ADAMTS3: variants seen among roughly 807,000 people sequenced by gnomAD.
ADAMTS3 encodes the protein A disintegrin and metalloproteinase with thrombospondin motifs 3.
Under a neutral mutation model 129.0 loss-of-function variants are expected in ADAMTS3, and 73 were observed. The ratio of observed to expected loss-of-function variants is 0.57; its 90% CI spans 0.47 to 0.69. The LOEUF is 0.69. Among genes scored for constraint, ADAMTS3 ranks in the 30% least tolerant of loss-of-function variants. The probability of loss-of-function intolerance (pLI) is 0.00; values close to 1 mark genes in which losing one functional copy is unlikely to be tolerated. For synonymous variants in ADAMTS3, 477 were observed against 510.8 expected, an observed-to-expected ratio of 0.93 and a Z score of 0.89; for missense variants, 1,457 against 1,514.5, an observed-to-expected ratio of 0.96 and a Z score of 0.63.
In ADAMTS3 at chr4:72,548,711, A is replaced by T; in HGVS notation, c.271T>A (p.Phe91Ile). ...GTGTTGGGCTTTAGTCGCAGATGAA[A>T]ATCTTTTCCAAATGCCGTGATGTTA... is the stretch of plus-strand genomic sequence containing the variant. ...FFNITAFGKD[F>I]HLRLKPNTQL... Residue 91 changes from phenylalanine (F) to isoleucine (I), a missense_variant, in exon 3 of 22, where the codon TTT (phenylalanine) becomes ATT (isoleucine). By Grantham distance (21) the Phe-to-Ile change is conservative. Transcript: ENST00000286657. 1 of 1,613,980 alleles carries T rather than the reference A, an allele frequency of 6.2e-7. No individual in the cohort carries two copies. Among genetic ancestry groups the T allele is most frequent in the Non-Finnish European group, 8.5e-7 (1 of 1,179,918 alleles).
Position 72,540,842 on chromosome 4 carries a change from G to A in ADAMTS3, c.504+7636C>T, listed in dbSNP as rs556751364. On this transcript the variant is annotated intron_variant, in intron 3 of 21. Coordinates refer to ENST00000286657, the MANE Select transcript of ADAMTS3 (RefSeq NM_014243.3). ...GAGAACCTCCAAATAGATTTCAGAG[G>A]ATGTATGGAAATGCCTGGATGTCCA... 7.2e-5 allele frequency among the ~76,000 whole-genome samples: 11 copies of A among 152,314 alleles called. No individual in the cohort carries two copies. In the South Asian group the frequency reaches 2.3e-3, roughly 32 times the overall value.
intron 17 of ADAMTS3, among the ~76,000 whole-genome samples, chr4:72,301,830 GT>G (rs1718957405): frequency 6.6e-6 from 1 of 152,002 alleles, no homozygotes; most frequent in African/African-American, 2.4e-5. Context: ...CTAGATTAGA[GT>G]TTGGAACTTT....
In ADAMTS3 at chr4:72,368,532, T is replaced by C. The variant is rs149905707; in HGVS notation, c.662-28839A>G. On this transcript the variant is annotated intron_variant, in intron 4 of 21. Transcript: ENST00000286657. The stretch of plus-strand genomic sequence containing the variant: ...CCATAGTCTCAACATGGCTTCCCAA[T>C]TCTTCTAATGTTGGGATGATCTGAA... Among the ~76,000 whole-genome samples the C allele has an allele frequency of 8.0e-4, 122 of 152,316 alleles. 2 individuals carry two copies. The highest frequency in any genetic ancestry group is 3.5e-3 in the East Asian group (18 of 5,192).
intron 4 of ADAMTS3, among the ~76,000 whole-genome samples, chr4:72,370,276 G>C (rs1247621898): frequency 6.6e-6 from 1 of 152,126 alleles, no homozygotes; most frequent in Non-Finnish European, 1.5e-5. Context: ...TTGCTTCCCA[G>C]CCTGGTGGTG....
chr4:72,414,486 A>G (rs1722256445), intron 4 of ADAMTS3, among the ~76,000 whole-genome samples: 1 of 152,000 alleles, frequency 6.6e-6, no homozygotes, highest in Non-Finnish European at 1.5e-5. Context: ...TAACAGTGAT[A>G]ATTCATAATT....
At chr4:72,468,098 A>G (rs1385329693) in intron 3 of ADAMTS3, among the ~76,000 whole-genome samples, 5 of 152,136 alleles carry the variant, frequency 3.3e-5, no homozygotes, top group Non-Finnish European at 5.9e-5. Context: ...CAGTCTGAAA[A>G]AAAAATTTCT....
chr4:72,365,145 A>G (rs1447312567), intron 4 of ADAMTS3, among the ~76,000 whole-genome samples: 3 of 152,212 alleles, frequency 2.0e-5, no homozygotes, highest in Admixed American at 1.3e-4. Flanking sequence ...ACTATCTTCT[A>G]CCATATCTGA....
intron 3 of ADAMTS3, among the ~76,000 whole-genome samples, chr4:72,511,473 T>A (rs1720314401): frequency 6.6e-6 from 1 of 152,162 alleles, no homozygotes; most frequent in African/African-American, 2.4e-5. Context: ...TAGACATTTC[T>A]CAAAAGAAGA....
intron 4 of ADAMTS3, among the ~76,000 whole-genome samples, chr4:72,372,913 C>T (rs1293904863): frequency 6.6e-6 from 1 of 151,910 alleles, no homozygotes; most frequent in African/African-American, 2.4e-5. Flanking sequence ...TTTCAGTAGC[C>T]AAATATAATT....
chr4:72,489,693 C>T (rs1719690120), intron 3 of ADAMTS3, among the ~76,000 whole-genome samples: 1 of 151,926 alleles, frequency 6.6e-6, no homozygotes, highest in African/African-American at 2.4e-5. Flanking sequence ...CACATCCTCA[C>T]ATGCATATTT....
intron 3 of ADAMTS3, among the ~76,000 whole-genome samples, chr4:72,454,671 C>A (rs1291099360): frequency 2.6e-5 from 4 of 151,554 alleles, no homozygotes; most frequent in Non-Finnish European, 1.5e-5. Context: ...TTGTAAAATA[C>A]AATAGGTTGA....
rs200641990 is a variant in ADAMTS3 at position 72,568,817 on chromosome 4, CCA to C, written c.-57_-56del. On this transcript the variant is annotated 5_prime_UTR_variant, in exon 1 of 22. Transcript: ENST00000286657. The stretch of plus-strand genomic sequence containing the variant: ...GGCAAAGCAAATGCCCAGAGCAAAC[CCA>C]CCCCCCCCGCCCAAAATAAGTTTCT... The C allele has an allele frequency of 0.047, 48,790 of 1,031,194 alleles. 127 individuals carry two copies. The highest frequency in any genetic ancestry group is 0.15 in the East Asian group (3,968 of 26,886). The allele number at this position is 1,031,194 out of a possible 1,614,324, so 63.9% of individuals were successfully genotyped here. A position where few individuals can be genotyped will look rare whatever the true frequency, so the allele number is the denominator to read the frequency against.
chr4:72,558,793 C>T (rs1518472), intron 2 of ADAMTS3, among the ~76,000 whole-genome samples: 146,187 of 151,736 alleles, frequency 0.96, 70,820 homozygotes, highest in East Asian at 1. Context: ...ACACTCCTTA[C>T]AAATCAGAGG....
intron 3 of ADAMTS3, among the ~76,000 whole-genome samples, chr4:72,490,543 G>T (rs994916367): frequency 6.6e-6 from 1 of 151,838 alleles, no homozygotes; most frequent in Non-Finnish European, 1.5e-5. Flanking sequence ...GTAAGATAAG[G>T]ATCATATTTC....
intron 3 of ADAMTS3, among the ~76,000 whole-genome samples, chr4:72,548,263 T>C (rs1196778420): frequency 1.3e-5 from 2 of 152,082 alleles, no homozygotes; most frequent in Non-Finnish European, 2.9e-5. Flanking sequence ...CTTGGAATAA[T>C]GTCGTCTTCG....
chr4:72,430,199 T>A (rs1722664310), intron 3 of ADAMTS3, among the ~76,000 whole-genome samples: 1 of 152,082 alleles, frequency 6.6e-6, no homozygotes, highest in African/African-American at 2.4e-5. Flanking sequence ...GAGTTTAATT[T>A]CCTTGCCCTT....
chr4:72,358,106 T>C (rs1348850784), intron 4 of ADAMTS3, among the ~76,000 whole-genome samples: 1 of 151,952 alleles, frequency 6.6e-6, no homozygotes, highest in Non-Finnish European at 1.5e-5. Flanking sequence ...CTGGCTAATG[T>C]AAGCCTCACT....
intron 3 of ADAMTS3, among the ~76,000 whole-genome samples, chr4:72,513,965 G>A (rs1451402421): frequency 1.3e-5 from 2 of 152,112 alleles, no homozygotes; most frequent in Non-Finnish European, 1.5e-5. Context: ...TTATTTCACT[G>A]AGGATAAATA....
rs575916030 is a variant in ADAMTS3 at position 72,386,000 on chromosome 4, G to A, written c.661+28815C>T. Among the ~76,000 whole-genome samples the A allele has an allele frequency of 9.2e-5, 14 of 151,482 alleles. No individual in the cohort carries two copies. In the East Asian group the frequency reaches 1.7e-3, roughly 19 times the overall value. ...TGATTTCCATGTATTTTTTTTAGGC[G>A]TGTTAAGAAATCTATAACCTAAAGT... On this transcript the variant is annotated intron_variant, in intron 4 of 21. Transcript: ENST00000286657.
Sources: allele counts gnomAD v4.1 joint callset (sites outside exome capture counted in the v4.1 genomes callset), GRCh38; gene constraint gnomAD v4.1.1; transcripts MANE v1.5; gene names NCBI Gene and HGNC (gene_info 2026-07-23, HGNC 2026-07-21).